NREP: variants seen among roughly 807,000 people sequenced by gnomAD.
The protein encoded by NREP is neuronal regeneration-related protein.
In NREP, 5 loss-of-function variants were observed where a neutral mutation model predicts 8.6. That is an observed-to-expected ratio of 0.58 (90% CI 0.30 to 1.22). The LOEUF is 1.22. NREP is among the 50% of genes most tolerant of loss of function. The probability of loss-of-function intolerance (pLI) is 0.07; values close to 1 mark genes in which losing one functional copy is unlikely to be tolerated. For missense variants in NREP, 86 were observed against 82.5 expected, an observed-to-expected ratio of 1.04 and a Z score of -0.17; for synonymous variants, 27 against 28.0, an observed-to-expected ratio of 0.96 and a Z score of 0.11.
chr5:111,871,229 C>T (rs1365561423), intron 2 of NREP, among the ~76,000 whole-genome samples: 5 of 152,154 alleles, frequency 3.3e-5, no homozygotes, highest in Non-Finnish European at 5.9e-5. Context: ...GCCTATTGCT[C>T]TCCTAGGCTA....
At chr5:111,818,031 G>T (rs550941066) in intron 2 of NREP, among the ~76,000 whole-genome samples, 1 of 151,996 alleles carries the variant, frequency 6.6e-6, no homozygotes, top group Non-Finnish European at 1.5e-5. Context: ...AATTCCACAA[G>T]TTTCAATTAA....
At chr5:111,865,667 G>A (rs185921309) in intron 2 of NREP, among the ~76,000 whole-genome samples, 6 of 152,144 alleles carry the variant, frequency 3.9e-5, no homozygotes, top group African/African-American at 7.2e-5. Flanking sequence ...TTGCAAAATC[G>A]TAGCTATTTG....
At chr5:111,810,665 C>G (rs1752249190) in intron 2 of NREP, among the ~76,000 whole-genome samples, 2 of 152,136 alleles carry the variant, frequency 1.3e-5, no homozygotes, top group Non-Finnish European at 2.9e-5. Flanking sequence ...CACAATACAG[C>G]TTCTTGTATC....
At chr5:111,918,809 T>A (rs763076351) in intron 2 of NREP, among the ~76,000 whole-genome samples, 1 of 152,170 alleles carries the variant, frequency 6.6e-6, no homozygotes, top group Non-Finnish European at 1.5e-5. Context: ...GGGCAAAGAC[T>A]TCGTGACTAA....
intron 2 of NREP, among the ~76,000 whole-genome samples, chr5:111,893,413 T>C (rs560642579): frequency 9.2e-5 from 14 of 152,118 alleles, no homozygotes; most frequent in African/African-American, 1.9e-4. Context: ...AGCTTTTTTT[T>C]CCCTTCTGTA....
chr5:111,797,052 A>G (rs191016347), intron 2 of NREP, among the ~76,000 whole-genome samples: 1 of 149,222 alleles, frequency 6.7e-6, no homozygotes, highest in Non-Finnish European at 1.5e-5. Flanking sequence ...ACGCAAGCGC[A>G]GTGTCTACTA....
chr5:111,845,093 G>C (rs1211076411), intron 2 of NREP, among the ~76,000 whole-genome samples: 1 of 152,016 alleles, frequency 6.6e-6, no homozygotes, highest in Admixed American at 6.6e-5. Context: ...CGGACTGCAA[G>C]GGCCAGCTTT....
intron 2 of NREP, among the ~76,000 whole-genome samples, chr5:111,963,925 G>T (rs541414690): frequency 6.6e-6 from 1 of 152,228 alleles, no homozygotes; most frequent in East Asian, 1.9e-4. Context: ...AAATTCTATT[G>T]AAGTAATACC....
intron 2 of NREP, among the ~76,000 whole-genome samples, chr5:111,921,239 T>G (rs1246458073): frequency 4.6e-5 from 7 of 152,094 alleles, no homozygotes; most frequent in Non-Finnish European, 1.0e-4. Context: ...GTCTAGCTAC[T>G]TCCTGCTGGA....
chr5:111,834,870 T>C (rs959021433), intron 2 of NREP, among the ~76,000 whole-genome samples: 1 of 152,166 alleles, frequency 6.6e-6, no homozygotes, highest in African/African-American at 2.4e-5. Context: ...TGAAGTTTCT[T>C]TTCCTCCCTA....
intron 2 of NREP, among the ~76,000 whole-genome samples, chr5:111,859,307 C>T (rs561580924): frequency 1.3e-5 from 2 of 151,858 alleles, no homozygotes; most frequent in East Asian, 3.9e-4. Flanking sequence ...TGTAGCTAGC[C>T]AAAAAAATCT....
intron 2 of NREP, among the ~76,000 whole-genome samples, chr5:111,842,682 C>T (rs909372479): frequency 6.6e-6 from 1 of 152,082 alleles, no homozygotes; most frequent in African/African-American, 2.4e-5. Flanking sequence ...TATTTCCATA[C>T]AGTTCAAGTT....
intron 2 of NREP, among the ~76,000 whole-genome samples, chr5:111,838,192 T>C (rs895523844): frequency 4.6e-5 from 7 of 152,186 alleles, no homozygotes; most frequent in Non-Finnish European, 8.8e-5. Flanking sequence ...ATAAACTCTA[T>C]TAATGAGACA....
At chr5:111,757,940 T>C (rs551145826), upstream of NREP, 2 of 985,306 alleles carry the variant, frequency 2.0e-6, no homozygotes, top group Non-Finnish European at 2.4e-6. Context: ...ACTGTAATAA[T>C]AAACCTGCAG....
exon 1 of NREP, chr5:111,976,811 C>T (rs1283401347): frequency 7.6e-7 from 1 of 1,310,626 alleles, no homozygotes; most frequent in East Asian, 2.5e-5. Flanking sequence ...CGGGAGTTGG[C>T]CAGACAGCTC....
intron 2 of NREP, among the ~76,000 whole-genome samples, chr5:111,770,554 CTTTTTTTTTTT>C (rs34538408): frequency 1.2e-4 from 9 of 73,628 alleles, no homozygotes; most frequent in East Asian, 3.6e-4. Flanking sequence ...GAATTATTTC[CTTTTTTTTTTT>C]TTTTTTTTTT....
intron 2 of NREP, among the ~76,000 whole-genome samples, chr5:111,754,763 A>G (rs1204637632): frequency 6.6e-6 from 1 of 152,248 alleles, no homozygotes; most frequent in Non-Finnish European, 1.5e-5. Context: ...ACTTGTTAAT[A>G]AAAATCAAAC....
At chr5:111,816,567 C>T (rs917870820) in intron 2 of NREP, among the ~76,000 whole-genome samples, 3 of 151,608 alleles carry the variant, frequency 2.0e-5, no homozygotes, top group Non-Finnish European at 2.9e-5. Context: ...TTTCATAATA[C>T]CTAGGGTATA....
At chr5:111,833,020 A>G (rs1389468286) in intron 2 of NREP, among the ~76,000 whole-genome samples, 1 of 152,244 alleles carries the variant, frequency 6.6e-6, no homozygotes, top group African/African-American at 2.4e-5. Flanking sequence ...TCCAATGATT[A>G]CAAATAAGAA....
Sources: gnomAD v4.1 joint callset for allele counts (sites outside exome capture counted in the v4.1 genomes callset) on GRCh38, gnomAD v4.1.1 for gene constraint, MANE v1.5 for transcripts, NCBI Gene and HGNC (gene_info 2026-07-23, HGNC 2026-07-21) for gene names.